Variants in CEP85 observed in about 807,000 individuals in gnomAD.
CEP85 encodes centrosomal protein of 85 kDa.
Under a neutral mutation model 93.7 loss-of-function variants are expected in CEP85, and 58 were observed. The ratio of observed to expected loss-of-function variants is 0.62; its 90% CI spans 0.50 to 0.77. CEP85 has a LOEUF of 0.77. Among genes scored for constraint, CEP85 ranks in the 30% least tolerant of loss-of-function variants. CEP85 has a pLI of 0.00. For missense variants in CEP85, 868 were observed against 922.0 expected, an observed-to-expected ratio of 0.94 and a Z score of 0.76; for synonymous variants, 314 against 338.6, an observed-to-expected ratio of 0.93 and a Z score of 0.80.
chr1:26,269,003 G>A (rs1014221333), intron 8 of CEP85, among the ~76,000 whole-genome samples: 9 of 151,968 alleles, frequency 5.9e-5, no homozygotes, highest in South Asian at 2.1e-4. Flanking sequence ...CTGTTCCCCC[G>A]GTCACCTACT....
chr1:26,241,492 C>T (rs1382030329), intron 2 of CEP85, among the ~76,000 whole-genome samples: 15 of 152,072 alleles, frequency 9.9e-5, no homozygotes, highest in Non-Finnish European at 4.4e-5. Flanking sequence ...GATCTGCCCG[C>T]CTGGGCCTCG....
In CEP85 at chr1:26,257,536, C is replaced by T. The variant is rs1055065553; in HGVS notation, c.904-61C>T. 10 of 1,594,092 alleles carry T rather than the reference C, an allele frequency of 6.3e-6. No homozygotes were observed. In the East Asian group the frequency reaches 1.6e-4, roughly 25 times the overall value. ...ACTACAGACCCAGCTGATTACTGCT[C>T]AGGTGTTTTCAGGCGTGTATGGGTC... On this transcript the variant is annotated intron_variant, in intron 4 of 13. Transcript: ENST00000451429.
chr1:26,262,908 T>C lies in CEP85; in HGVS notation c.1341+3106T>C, dbSNP rs1345020608. 4 of 152,306 alleles carry C rather than the reference T, an allele frequency of 2.6e-5. No individual in the cohort carries two copies. The South Asian group carries it at 6.2e-4, about 24-fold the overall frequency. 9.4% of individuals were successfully genotyped at this position (152,306 alleles called of 1,614,324 possible). A position where few individuals can be genotyped will look rare whatever the true frequency, so the allele number is the denominator to read the frequency against. On this transcript the variant is annotated intron_variant, in intron 7 of 13. Coordinates refer to ENST00000451429, the MANE Select transcript of CEP85 (RefSeq NM_001319944.2). ...CATGCCACCACACTGGGCTAAATTT[T>C]GTACTTTTATTAGAGATGGGGTTTC...
chr1:26,274,881 A>G (rs757989575), intron 11 of CEP85, 83 bp from the exon 12 acceptor site: 8 of 1,089,424 alleles, frequency 7.3e-6, no homozygotes, highest in South Asian at 1.4e-5. Flanking sequence ...TCGTCACTAT[A>G]TAGTCCAAGC....
In CEP85 at chr1:26,250,114, C is replaced by G. The variant is rs150845065; in HGVS notation, c.209-5057C>G. Among the ~76,000 whole-genome samples the G allele has an allele frequency of 3.3e-4, 50 of 152,220 alleles. 1 individual carries two copies. In the East Asian group the frequency reaches 9.1e-3, roughly 28 times the overall value. ...GAGGTCCCTTTGAAAATGAGTGTTGCTATTTCATTTCAAAATATTCTAAAC... is the reference window on the plus strand; with the variant it reads ...GAGGTCCCTTTGAAAATGAGTGTTGGTATTTCATTTCAAAATATTCTAAAC... On this transcript the variant is annotated intron_variant, in intron 3 of 13. Coordinates refer to ENST00000451429, the MANE Select transcript of CEP85 (RefSeq NM_001319944.2).
intron 7 of CEP85, among the ~76,000 whole-genome samples, chr1:26,266,421 C>T (rs2089896687): frequency 6.6e-6 from 1 of 152,090 alleles, no homozygotes; most frequent in Non-Finnish European, 1.5e-5. Context: ...ACTTTTGTTT[C>T]CTCCCCTGTT....
Position 26,255,110 on chromosome 1 carries a change from T to G in CEP85, c.209-61T>G, listed in dbSNP as rs971987364. 4.3e-6 allele frequency: 6 copies of G among 1,384,476 alleles called. No individual in the cohort carries two copies. The African/African-American group carries it at 8.6e-5, about 20-fold the overall frequency. 85.8% of individuals were successfully genotyped at this position (1,384,476 alleles called of 1,614,324 possible). A position where few individuals can be genotyped will look rare whatever the true frequency, so the allele number is the denominator to read the frequency against. The stretch of plus-strand genomic sequence containing the variant: ...CAGGCCGAGAGCTTCTGGCATAGCA[T>G]TCAAACTCAAGAAAGCTTGCTACTT... On this transcript the variant is annotated intron_variant, in intron 3 of 13. Coordinates refer to ENST00000451429, the MANE Select transcript of CEP85 (RefSeq NM_001319944.2).
At chr1:26,273,934 T>TA (rs777935042) in intron 11 of CEP85, among the ~76,000 whole-genome samples, 4 of 107,858 alleles carry the variant, frequency 3.7e-5, no homozygotes, top group African/African-American at 1.0e-4. Flanking sequence ...ATAAATAAAA[T>TA]ATATATATAT....
intron 3 of CEP85, among the ~76,000 whole-genome samples, chr1:26,252,185 C>G (rs12144858): frequency 0.16 from 24,987 of 151,496 alleles, 2,140 homozygotes; most frequent in Middle Eastern, 0.21. Context: ...GAGCCAAGAT[C>G]GTGCCACTGC....
At chr1:26,253,925 G>T (rs1397021409) in intron 3 of CEP85, among the ~76,000 whole-genome samples, 1 of 151,902 alleles carries the variant, frequency 6.6e-6, no homozygotes, top group Non-Finnish European at 1.5e-5. Flanking sequence ...GCCTGGGGAG[G>T]TCGAGGCTGC....
At chr1:26,262,881 C>T (rs904772491) in intron 7 of CEP85, among the ~76,000 whole-genome samples, 2 of 152,132 alleles carry the variant, frequency 1.3e-5, no homozygotes, top group Non-Finnish European at 2.9e-5. Context: ...GGATGATAGG[C>T]ACATGCCACC....
In CEP85 at chr1:26,257,669, T is replaced by A; in HGVS notation, c.976T>A (p.Trp326Arg). ...ACTGCCCATCTTAGAGCCAGCACAG[T>A]GGATCAGCATCTTGAACAGTAATGA... Reference protein sequence around the residue: ...PSLPILEPAQWISILNSNEHL... With the variant: ...PSLPILEPAQRISILNSNEHL... Residue 326 changes from tryptophan to arginine, a missense_variant, in exon 5 of 14, where the codon TGG (tryptophan) becomes AGG (arginine). Trp to Arg is a moderately radical substitution (Grantham distance 101). Coordinates refer to ENST00000451429, the MANE Select transcript of CEP85 (RefSeq NM_001319944.2). 6.2e-6 allele frequency: 10 copies of A among 1,614,182 alleles called. No individual in the cohort carries two copies. The highest frequency in any genetic ancestry group is 8.5e-6 in the Non-Finnish European group (10 of 1,180,014).
At chr1:26,254,864 TA>T in intron 3 of CEP85, 1 of 332,394 alleles carries the variant, frequency 3.0e-6, no homozygotes, top group Non-Finnish European at 5.4e-6. Flanking sequence ...TTAAATTTTT[TA>T]AAAAACTTTT....
intron 3 of CEP85, among the ~76,000 whole-genome samples, chr1:26,244,561 C>T (rs1285244985): frequency 1.3e-5 from 2 of 152,160 alleles, no homozygotes; most frequent in African/African-American, 4.8e-5. Context: ...GGGTCTCACT[C>T]TGTCACTCAG....
chr1:26,266,200 A>G (rs1310403014), intron 7 of CEP85, among the ~76,000 whole-genome samples: 1 of 150,432 alleles, frequency 6.6e-6, no homozygotes, highest in East Asian at 2.0e-4. Flanking sequence ...CAAGAATGAA[A>G]CTCCATCTAA....
chr1:26,276,879 C>T, intron 13 of CEP85, 119 bp downstream of exon 13: 1 of 856,646 alleles, frequency 1.2e-6, no homozygotes, highest in Non-Finnish European at 1.8e-6. Context: ...GTCCTGGCCA[C>T]TGCCCTCTGG....
At chr1:26,247,930 G>A (rs2089536583) in intron 3 of CEP85, among the ~76,000 whole-genome samples, 2 of 152,172 alleles carry the variant, frequency 1.3e-5, no homozygotes, top group Non-Finnish European at 1.5e-5. Flanking sequence ...CAAAGTGCTG[G>A]GATTACAGGT....
At chr1:26,234,461 C>G (rs906194194) in intron 1 of CEP85, among the ~76,000 whole-genome samples, 151 bp downstream of exon 1, 2 of 152,202 alleles carry the variant, frequency 1.3e-5, no homozygotes, top group Non-Finnish European at 1.5e-5. Context: ...AGCCAGTGCC[C>G]CGGCATACGC....
At chr1:26,241,651 C>G (rs758422038) in intron 2 of CEP85, among the ~76,000 whole-genome samples, 9 of 152,120 alleles carry the variant, frequency 5.9e-5, no homozygotes, top group Non-Finnish European at 1.0e-4. Flanking sequence ...CAATGCCTTT[C>G]CTATGGCTTT....
Sources: gnomAD v4.1 joint callset for allele counts (sites outside exome capture counted in the v4.1 genomes callset) on GRCh38, gnomAD v4.1.1 for gene constraint, MANE v1.5 for transcripts, NCBI Gene and HGNC (gene_info 2026-07-23, HGNC 2026-07-21) for gene names.